The following CCDC149 variants were observed in gnomAD, a reference collection of about 807,000 sequenced individuals.
CCDC149 encodes coiled-coil domain containing 149, also known as coiled-coil domain-containing protein 149.
Under a neutral mutation model 59.9 loss-of-function variants are expected in CCDC149, and 45 were observed. The observed-to-expected ratio is 0.75, with a 90% CI of 0.59 to 0.96. CCDC149 has a LOEUF of 0.96. Ranked by LOEUF, CCDC149 falls within the 40% of genes least tolerant of loss-of-function variation. The probability of loss-of-function intolerance (pLI) is 0.00; values close to 1 mark genes in which losing one functional copy is unlikely to be tolerated. For synonymous variants in CCDC149, 245 were observed against 260.6 expected, an observed-to-expected ratio of 0.94 and a Z score of 0.58; for missense variants, 584 against 664.7, an observed-to-expected ratio of 0.88 and a Z score of 1.33.
In CCDC149 at chr4:24,822,537, T is replaced by A; in HGVS notation, c.1002A>T (p.Lys334Asn). The A allele has an allele frequency of 1.3e-6, 2 of 1,529,784 alleles. No homozygotes were observed. The highest frequency in any genetic ancestry group is 1.8e-6 in the Non-Finnish European group (2 of 1,136,058). The allele number at this position is 1,529,784 out of a possible 1,614,324, so 94.8% of individuals were successfully genotyped here. Residue 334 changes from lysine (K) to asparagine (N), a missense_variant, in exon 10 of 13, where the codon AAA (lysine) becomes AAT (asparagine). Coordinates refer to ENST00000635206, the MANE Select transcript of CCDC149 (RefSeq NM_001330643.2). ...AACCAGAAACTTCCAGAGTTCTTAATTTTTTTTCCAGCTCAGCCACCCGAT... is the reference window on the plus strand; with the variant it reads ...AACCAGAAACTTCCAGAGTTCTTAAATTTTTTTCCAGCTCAGCCACCCGAT...
intron 2 of CCDC149, among the ~76,000 whole-genome samples, chr4:24,875,625 C>A (rs1163378105): frequency 1.3e-5 from 2 of 151,832 alleles, no homozygotes; most frequent in African/African-American, 4.8e-5. Flanking sequence ...TGTGTCACTG[C>A]ATTTGGCTTA....
At chr4:24,839,458 C>T (rs1716799884) in intron 4 of CCDC149, among the ~76,000 whole-genome samples, 1 of 152,220 alleles carries the variant, frequency 6.6e-6, no homozygotes, top group South Asian at 2.1e-4. Context: ...GGATTACAGG[C>T]ATAAGCCACC....
intron 1 of CCDC149, among the ~76,000 whole-genome samples, chr4:24,888,160 C>T (rs1443229306): frequency 6.6e-6 from 1 of 152,138 alleles, no homozygotes; most frequent in Non-Finnish European, 1.5e-5. Flanking sequence ...CAGCCAGGGC[C>T]CATCTTATTC....
intron 1 of CCDC149, among the ~76,000 whole-genome samples, chr4:24,977,157 G>A (rs1724237697): frequency 6.6e-6 from 1 of 152,148 alleles, no homozygotes; most frequent in African/African-American, 2.4e-5. Context: ...GGGACTTAGT[G>A]ACGATGTACA....
chr4:24,810,730 G>T (rs960138813), intron 12 of CCDC149, among the ~76,000 whole-genome samples: 1 of 152,178 alleles, frequency 6.6e-6, no homozygotes, highest in Non-Finnish European at 1.5e-5. Flanking sequence ...ATTGAGAGCA[G>T]ACATATTAAA....
At chr4:24,871,172 C>T (rs543494435) in intron 3 of CCDC149, among the ~76,000 whole-genome samples, 3 of 151,278 alleles carry the variant, frequency 2.0e-5, no homozygotes, top group South Asian at 2.1e-4. Context: ...AGGAAGGGAG[C>T]GTATAAGTAA....
rs182991536 is a variant in CCDC149, at chr4:24,937,685, C to G, written c.-65+42384G>C. ...GGAGGAGAAAAGCTGGAGCGTTACA[C>G]CCTGTCCCTTTAATGCTCTGGCTTG... is the stretch of plus-strand genomic sequence containing the variant. On this transcript the variant is annotated intron_variant, in intron 1 of 12. Coordinates refer to the CCDC149 transcript ENST00000389609. Among the ~76,000 whole-genome samples, 496 of 152,292 alleles carry G rather than the reference C, an allele frequency of 3.3e-3. 3 individuals carry two copies. Among genetic ancestry groups the G allele is most frequent in the Middle Eastern group, 6.8e-3 (2 of 294 alleles).
intron 1 of CCDC149, among the ~76,000 whole-genome samples, chr4:24,934,131 G>T (rs1158871089): frequency 1.3e-5 from 2 of 152,192 alleles, no homozygotes; most frequent in Non-Finnish European, 2.9e-5. Context: ...TCCTAGGACT[G>T]TGATATCATT....
intron 9 of CCDC149, among the ~76,000 whole-genome samples, chr4:24,824,161 A>C (rs1219133008): frequency 1.3e-5 from 2 of 152,168 alleles, no homozygotes; most frequent in African/African-American, 4.8e-5. Context: ...TGTGCTGAAG[A>C]GATATTGGGT....
rs113978868 is a variant in CCDC149, at chr4:24,965,640, T to C, written c.-65+14429A>G. ...TTTGAGATATTCCTAAAGCAATAAT[T>C]AGGGAAAAATTTGTAACACTAAACA... On this transcript the variant is annotated intron_variant, in intron 1 of 12. Transcript: ENST00000389609. Among the ~76,000 whole-genome samples, 695 of 152,242 alleles carry C rather than the reference T, an allele frequency of 4.6e-3. 8 individuals are homozygous for C. The highest frequency in any genetic ancestry group is 0.016 in the African/African-American group (658 of 41,542).
intron 1 of CCDC149, among the ~76,000 whole-genome samples, chr4:24,944,810 A>G (rs756315973): frequency 1.5e-4 from 23 of 152,156 alleles, no homozygotes; most frequent in Non-Finnish European, 2.6e-4. Flanking sequence ...GTTTTCTGTC[A>G]TGTATGGTTT....
At chr4:24,936,476 C>A (rs566902347) in intron 1 of CCDC149, among the ~76,000 whole-genome samples, 1 of 151,940 alleles carries the variant, frequency 6.6e-6, no homozygotes. Flanking sequence ...TGTAATGTTT[C>A]AATGCATGTA....
At chr4:24,829,421 G>A (rs1715986339) in intron 9 of CCDC149, 1 of 152,254 alleles carries the variant, frequency 6.6e-6, no homozygotes, top group African/African-American at 2.4e-5. Flanking sequence ...AAGCACAGAA[G>A]ATGGAGAAAA....
chr4:24,943,731 C>T (rs1279714024), intron 1 of CCDC149, among the ~76,000 whole-genome samples: 1 of 151,932 alleles, frequency 6.6e-6, no homozygotes, highest in African/African-American at 2.4e-5. Flanking sequence ...AAAAAAACAA[C>T]CCCATCAAAA....
chr4:24,870,449 A>T (rs1465638940), intron 3 of CCDC149, among the ~76,000 whole-genome samples: 2 of 152,218 alleles, frequency 1.3e-5, no homozygotes, highest in Non-Finnish European at 2.9e-5. Flanking sequence ...GAAGCATCCT[A>T]TCTCGTGCAG....
At chr4:24,966,586 C>A (rs1270368039) in intron 1 of CCDC149, among the ~76,000 whole-genome samples, 1 of 152,192 alleles carries the variant, frequency 6.6e-6, no homozygotes, top group African/African-American at 2.4e-5. Flanking sequence ...AGGGCCCCAA[C>A]AAGTGACACA....
At chr4:24,950,085 AAGAG>A (rs1374687990) in intron 1 of CCDC149, among the ~76,000 whole-genome samples, 1 of 152,222 alleles carries the variant, frequency 6.6e-6, no homozygotes, top group South Asian at 2.1e-4. Context: ...CTGGAAACTC[AAGAG>A]AGAAATTGTT....
intron 4 of CCDC149, among the ~76,000 whole-genome samples, chr4:24,841,361 A>T (rs1024446149): frequency 2.6e-5 from 4 of 152,250 alleles, no homozygotes; most frequent in African/African-American, 9.6e-5. Flanking sequence ...CCAATTAATT[A>T]TTAAACATGT....
intron 1 of CCDC149, among the ~76,000 whole-genome samples, chr4:24,976,243 G>T (rs1221834548): frequency 6.6e-6 from 1 of 152,192 alleles, no homozygotes; most frequent in African/African-American, 2.4e-5. Flanking sequence ...AGTAATTCCA[G>T]GGTCCATTTA....
Sources: gnomAD v4.1 joint callset for allele counts (sites outside exome capture counted in the v4.1 genomes callset) on GRCh38, gnomAD v4.1.1 for gene constraint, MANE v1.5 for transcripts, NCBI Gene and HGNC (gene_info 2026-07-23, HGNC 2026-07-21) for gene names.